Variants in WWC2 observed in about 807,000 individuals in gnomAD.
WWC2 encodes protein WWC2.
A neutral mutation model predicts 138.5 loss-of-function variants in WWC2; 101 were observed. The ratio of observed to expected loss-of-function variants is 0.73; its 90% CI spans 0.62 to 0.86. The LOEUF (loss-of-function observed/expected upper bound fraction) is 0.86, where lower values mean the gene tolerates loss of function less well. WWC2 is among the 40% of genes least tolerant of loss of function. The probability of loss-of-function intolerance (pLI) is 0.00; values close to 1 mark genes in which losing one functional copy is unlikely to be tolerated. For missense variants in WWC2, 1,420 were observed against 1,419.4 expected (o/e 1.00, Z -0.01); for synonymous variants, 558 against 538.4 (o/e 1.04, Z -0.50).
chr4:183,223,079 T>C (rs1560851495), intron 4 of WWC2, among the ~76,000 whole-genome samples: 1 of 152,258 alleles, frequency 6.6e-6, no homozygotes. Context: ...ATGTTTTTGC[T>C]ATACCCTTTC....
intron 1 of WWC2, among the ~76,000 whole-genome samples, chr4:183,160,348 G>A (rs969308210): frequency 1.8e-4 from 28 of 152,158 alleles, no homozygotes; most frequent in Admixed American, 1.3e-4. Context: ...AAAGTGCAGC[G>A]AAGAAATGAA....
At chr4:183,119,890 C>T (rs1307926861) in intron 1 of WWC2, among the ~76,000 whole-genome samples, 1 of 152,054 alleles carries the variant, frequency 6.6e-6, no homozygotes, top group African/African-American at 2.4e-5. Flanking sequence ...AGCCTTTAAC[C>T]CCTGAGTTCT....
At chr4:183,251,848 G>A (rs538808838) in intron 8 of WWC2, among the ~76,000 whole-genome samples, 1 of 151,230 alleles carries the variant, frequency 6.6e-6, no homozygotes, top group South Asian at 2.1e-4. Context: ...TAAAGAGGCA[G>A]GTTGTGTTTC....
At chr4:183,183,631 A>G (rs1734707112) in intron 1 of WWC2, among the ~76,000 whole-genome samples, 1 of 152,116 alleles carries the variant, frequency 6.6e-6, no homozygotes, top group Non-Finnish European at 1.5e-5. Context: ...AAAGACATTT[A>G]GCCAAGCGTG....
At chr4:183,257,522 CT>C (rs1737187662) in intron 9 of WWC2, among the ~76,000 whole-genome samples, 1 of 152,112 alleles carries the variant, frequency 6.6e-6, no homozygotes, top group Non-Finnish European at 1.5e-5. Context: ...AGAGGAAACC[CT>C]TTCTCATCCA....
chr4:183,252,035 G>T (rs1380375430), intron 8 of WWC2, among the ~76,000 whole-genome samples: 1 of 152,122 alleles, frequency 6.6e-6, no homozygotes, highest in Non-Finnish European at 1.5e-5. Context: ...AAGTGCAGAT[G>T]GGGGGAGAAA....
At chr4:183,174,250 C>T (rs902158496) in intron 1 of WWC2, among the ~76,000 whole-genome samples, 1 of 152,142 alleles carries the variant, frequency 6.6e-6, no homozygotes, top group African/African-American at 2.4e-5. Context: ...CTGTTTCTGC[C>T]CAGGTTGGGC....
At chr4:183,112,991 C>T (rs185906555) in intron 1 of WWC2, among the ~76,000 whole-genome samples, 113 of 151,930 alleles carry the variant, frequency 7.4e-4, no homozygotes, top group African/African-American at 2.7e-3. Context: ...AATTTAGTTC[C>T]GCCGGGCACG....
Position 183,294,094 on chromosome 4 carries a change from A to C in WWC2, c.3384+4459A>C, listed in dbSNP as rs79653877. Among the ~76,000 whole-genome samples the C allele has an allele frequency of 1.7e-3, 261 of 152,308 alleles. 2 individuals are homozygous for C. The highest frequency in any genetic ancestry group is 5.9e-3 in the African/African-American group (245 of 41,570). The stretch of plus-strand genomic sequence containing the variant: ...GGGCCATATGATCCCTGTTGCCGCT[A>C]TTCAGCTCTGCCATAGATAAAATGG... On this transcript the variant is annotated intron_variant, in intron 21 of 22. Transcript: ENST00000403733.
chr4:183,137,807 T>C (rs1733169750), intron 1 of WWC2, among the ~76,000 whole-genome samples: 1 of 152,206 alleles, frequency 6.6e-6, no homozygotes, highest in South Asian at 2.1e-4. Context: ...CCTATAGTCT[T>C]ATGGAACCAA....
At chr4:183,224,638 G>A (rs1736020850) in intron 4 of WWC2, among the ~76,000 whole-genome samples, 1 of 152,160 alleles carries the variant, frequency 6.6e-6, no homozygotes, top group Non-Finnish European at 1.5e-5. Flanking sequence ...TCAGCTCACT[G>A]CAACCCCTAC....
rs768504155 is a variant in WWC2, at chr4:183,253,889, C to T, written c.1086C>T (p.Thr362=). Residue 362 remains threonine, a synonymous_variant, in exon 9 of 23, where the codon ACC becomes ACT. Transcript: ENST00000403733. ...EELLKELQFV[T]PQKRTQDELE... is the part of the protein sequence containing the mutation. ...TTTTGAAAGAGCTTCAGTTCGTCACCCCACAGAAACGTACCCAAGATGAAT... is the reference window on the plus strand; with the variant it reads ...TTTTGAAAGAGCTTCAGTTCGTCACTCCACAGAAACGTACCCAAGATGAAT... 7.6e-5 allele frequency: 123 copies of T among 1,613,612 alleles called. No homozygotes were observed. Among genetic ancestry groups the T allele is most frequent in the Non-Finnish European group, 1.0e-4 (120 of 1,179,812 alleles).
intron 1 of WWC2, among the ~76,000 whole-genome samples, chr4:183,134,533 T>G (rs1256414098): frequency 6.6e-6 from 1 of 152,208 alleles, no homozygotes; most frequent in Non-Finnish European, 1.5e-5. Context: ...AGTACCATTC[T>G]GGCTTTACAG....
At chr4:183,154,765 G>C (rs1733747010) in intron 1 of WWC2, among the ~76,000 whole-genome samples, 1 of 152,100 alleles carries the variant, frequency 6.6e-6, no homozygotes, top group Non-Finnish European at 1.5e-5. Context: ...CTGCAGTTGT[G>C]GCGCCTAGGA....
At position 183,208,300 on chromosome 4, in the gene WWC2, G is replaced by C; in HGVS notation, c.445+144G>C. 3.5e-6 allele frequency: 3 copies of C among 861,646 alleles called. No individual in the cohort carries two copies. In the East Asian group the frequency reaches 8.1e-5, roughly 23 times the overall value. 53.4% of individuals were successfully genotyped at this position (861,646 alleles called of 1,614,324 possible). On this transcript the variant is annotated intron_variant, in intron 3 of 22. Transcript: ENST00000403733. Reference sequence around the variant, plus strand: ...GTCTCTCAAAACCATTGAGAGGTGAGGGCACACCCCAGATTTTCTCACCCC... The same window carrying C: ...GTCTCTCAAAACCATTGAGAGGTGACGGCACACCCCAGATTTTCTCACCCC...
chr4:183,115,139 C>G (rs1410005906), intron 1 of WWC2, among the ~76,000 whole-genome samples: 1 of 152,114 alleles, frequency 6.6e-6, no homozygotes, highest in African/African-American at 2.4e-5. Flanking sequence ...GTTTTCTATT[C>G]CTGTGTTAAT....
chr4:183,144,084 T>C (rs1733381867), intron 1 of WWC2, among the ~76,000 whole-genome samples: 1 of 152,206 alleles, frequency 6.6e-6, no homozygotes, highest in African/African-American at 2.4e-5. Flanking sequence ...TCTTCAGGTA[T>C]ATGTATTTCA....
intron 22 of WWC2, among the ~76,000 whole-genome samples, chr4:183,313,725 A>C (rs544496129): frequency 1.6e-4 from 25 of 151,720 alleles, no homozygotes; most frequent in African/African-American, 4.6e-4. Flanking sequence ...CCAATCACTG[A>C]AGGGCTCGCC....
rs566881143 is a variant in WWC2, at chr4:183,130,291, A to G, written c.131+30669A>G. Among the ~76,000 whole-genome samples, 4 of 152,186 alleles carry G rather than the reference A, an allele frequency of 2.6e-5. No individual in the cohort carries two copies. In the South Asian group the frequency reaches 8.3e-4, roughly 32 times the overall value. ...ATGGTCTTGATCTCCTGACCTCATG[A>G]TCTACCTGCCTCGGCCTCCCAGTGC... On this transcript the variant is annotated intron_variant, in intron 1 of 22. Transcript: ENST00000403733.
Sources: gnomAD v4.1 joint callset for allele counts (sites outside exome capture counted in the v4.1 genomes callset) on GRCh38, gnomAD v4.1.1 for gene constraint, MANE v1.5 for transcripts, NCBI Gene and HGNC (gene_info 2026-07-23, HGNC 2026-07-21) for gene names.